KLHL7: variants seen among roughly 807,000 people sequenced by gnomAD.
KLHL7 encodes kelch-like protein 7.
Under a neutral mutation model 67.4 loss-of-function variants are expected in KLHL7, and 44 were observed. The ratio of observed to expected loss-of-function variants is 0.65; its 90% CI spans 0.51 to 0.84. KLHL7 has a LOEUF of 0.84. KLHL7 is among the 40% of genes least tolerant of loss of function. KLHL7 has a pLI of 0.00. For synonymous variants in KLHL7, 252 were observed against 243.3 expected (o/e 1.04, Z -0.33); for missense variants, 362 against 718.1 (o/e 0.50, Z 5.67).
chr7:23,155,902 C>G (rs914459625), intron 7 of KLHL7: 7 of 343,524 alleles, frequency 2.0e-5, no homozygotes, highest in African/African-American at 1.6e-4. Flanking sequence ...AGCATTGTTC[C>G]TAGAATAAGG....
intron 6 of KLHL7, among the ~76,000 whole-genome samples, chr7:23,149,392 G>A (rs1016225006): frequency 6.6e-6 from 1 of 152,118 alleles, no homozygotes; most frequent in African/African-American, 2.4e-5. Context: ...TTACCACATG[G>A]CCTGTTGGTG....
chr7:23,118,319 C>T (rs1423282726), intron 1 of KLHL7, among the ~76,000 whole-genome samples: 2 of 152,198 alleles, frequency 1.3e-5, no homozygotes, highest in African/African-American at 4.8e-5. Context: ...ATTTGAGGAC[C>T]CGTCACTACT....
In KLHL7 at chr7:23,177,531, A is replaced by G. The variant is rs1000055619; in HGVS notation, c.*3233A>G. 1 of 152,154 alleles carries G rather than the reference A, an allele frequency of 6.6e-6. No homozygotes were observed. The highest frequency in any genetic ancestry group is 1.5e-5 in the Non-Finnish European group (1 of 68,038). 9.4% of individuals were successfully genotyped at this position (152,154 alleles called of 1,614,324 possible). A position where few individuals can be genotyped will look rare whatever the true frequency, so the allele number is the denominator to read the frequency against. ...TTTCTACAGAATTGTCAATATCAGG[A>G]TAGTGCGTAAAAGTACACTCACCAT... On this transcript the variant is annotated 3_prime_UTR_variant, in exon 11 of 11. Coordinates refer to ENST00000339077, the MANE Select transcript of KLHL7 (RefSeq NM_001031710.3).
chr7:23,106,388 T>C, intron 1 of KLHL7: 4 of 1,350,946 alleles, frequency 3.0e-6, no homozygotes, highest in Non-Finnish European at 3.8e-6. Context: ...CCTGGGGGAC[T>C]CCTCAGGCTG....
rs117717407 is a variant in KLHL7 at position 23,157,876 on chromosome 7, A to G, written c.936+5667A>G. ...TTAACAGATCACTCTAAAAAGGGTC[A>G]GGGAGAGTGGAAACAGAGCTGCACA... is the stretch of plus-strand genomic sequence containing the variant. On this transcript the variant is annotated intron_variant, in intron 7 of 10. Coordinates refer to ENST00000339077, the MANE Select transcript of KLHL7 (RefSeq NM_001031710.3). Among the ~76,000 whole-genome samples, 1,461 of 152,354 alleles carry G rather than the reference A, an allele frequency of 9.6e-3. 14 individuals are homozygous for G. Among genetic ancestry groups the G allele is most frequent in the Middle Eastern group, 0.017 (5 of 294 alleles).
chr7:23,126,492 A>G (rs1562561190), intron 4 of KLHL7, among the ~76,000 whole-genome samples: 1 of 152,212 alleles, frequency 6.6e-6, no homozygotes, highest in African/African-American at 2.4e-5. Flanking sequence ...AAGTATAAAG[A>G]GGGGTCAAAG....
In KLHL7 at chr7:23,174,721, T is replaced by A. The variant is rs1249643679; in HGVS notation, c.*423T>A. 4.4e-6 allele frequency: 2 copies of A among 455,356 alleles called. No individual in the cohort carries two copies. Among genetic ancestry groups the A allele is most frequent in the Middle Eastern group, 6.9e-4 (1 of 1,446 alleles). The allele number at this position is 455,356 out of a possible 1,614,324, so 28.2% of individuals were successfully genotyped here. On this transcript the variant is annotated 3_prime_UTR_variant, in exon 11 of 11. Transcript: ENST00000339077. ...TCAAGAACTAAGAAATAGTATGAAT[T>A]GTAAGTCAAGATGGGCAACTCAGAT...
intron 1 of KLHL7, among the ~76,000 whole-genome samples, chr7:23,121,955 T>C (rs1783368228): frequency 1.3e-5 from 2 of 152,156 alleles, no homozygotes; most frequent in Admixed American, 6.5e-5. Flanking sequence ...GTGCTGGGAT[T>C]ACAGGCATGA....
rs373582090 is a variant in KLHL7 at position 23,140,629 on chromosome 7, G to A, written c.443-140G>A. 3.9e-6 allele frequency: 3 copies of A among 760,318 alleles called. No individual in the cohort carries two copies. In the African/African-American group the frequency reaches 5.2e-5, roughly 13 times the overall value. The allele number at this position is 760,318 out of a possible 1,614,324, so 47.1% of individuals were successfully genotyped here. A position where few individuals can be genotyped will look rare whatever the true frequency, so the allele number is the denominator to read the frequency against. On this transcript the variant is annotated intron_variant, in intron 4 of 10. Coordinates refer to ENST00000339077, the MANE Select transcript of KLHL7 (RefSeq NM_001031710.3). ...ACAGTATAGTATTGGCACAAGAATA[G>A]ACAAATCAATGAAACAGAAACGGAT...
In KLHL7 at chr7:23,174,097, A is replaced by G; in HGVS notation, c.1560A>G (p.Thr520=). ...MVSPMPWKGV[T]VKCAAVGSIV... ...CACCAATGCCATGGAAGGGTGTAAC[A>G]GTGAAATGTGCAGCAGTTGGCTCTA... The change falls in exon 11 of 11, where the codon ACA becomes ACG. Residue 520 remains threonine (T), a synonymous_variant. Coordinates refer to ENST00000339077, the MANE Select transcript of KLHL7 (RefSeq NM_001031710.3). The G allele has an allele frequency of 1.2e-6, 2 of 1,614,204 alleles. No homozygotes were observed.
intron 6 of KLHL7, among the ~76,000 whole-genome samples, chr7:23,149,556 T>C (rs1464682958): frequency 6.6e-6 from 1 of 152,232 alleles, no homozygotes; most frequent in Non-Finnish European, 1.5e-5. Context: ...ATTCAGAAGG[T>C]CTGGGTTAGT....
intron 4 of KLHL7, among the ~76,000 whole-genome samples, chr7:23,139,088 T>A (rs1281058466): frequency 1.8e-4 from 23 of 129,816 alleles, no homozygotes; most frequent in East Asian, 2.2e-4. Flanking sequence ...TTATTAATGC[T>A]AAAAAAAAAA....
At position 23,151,154 on chromosome 7, in the gene KLHL7, TTTG is replaced by T. The variant is rs1459772841; in HGVS notation, c.794-910_794-908del. Among the ~76,000 whole-genome samples the T allele has an allele frequency of 4.4e-5, 4 of 90,876 alleles. 1 individual carries two copies. Among genetic ancestry groups the T allele is most frequent in the South Asian group, 2.7e-4 (1 of 3,698 alleles). 59.6% of individuals were successfully genotyped at this position (90,876 alleles called of 152,430 possible). A position where few individuals can be genotyped will look rare whatever the true frequency, so the allele number is the denominator to read the frequency against. ...TTAGGCTTCTCCATTCTGGGCCTGT[TTTG>T]TTTTTTTTTTTTTCTTTTCTTTTTT... On this transcript the variant is annotated intron_variant, in intron 6 of 10. Coordinates refer to ENST00000339077, the MANE Select transcript of KLHL7 (RefSeq NM_001031710.3).
intron 7 of KLHL7, among the ~76,000 whole-genome samples, chr7:23,162,581 G>C (rs1455240571): frequency 1.3e-5 from 2 of 152,136 alleles, no homozygotes; most frequent in African/African-American, 4.8e-5. Flanking sequence ...TACAGAGCCT[G>C]GCTTCATACC....
At chr7:23,159,332 T>G (rs963530627) in intron 7 of KLHL7, among the ~76,000 whole-genome samples, 1 of 151,978 alleles carries the variant, frequency 6.6e-6, no homozygotes, top group Non-Finnish European at 1.5e-5. Context: ...CATGGCCATT[T>G]AAAAAAAATT....
chr7:23,124,143 A>T (rs1356349566), intron 2 of KLHL7, among the ~76,000 whole-genome samples: 1 of 124,340 alleles, frequency 8.0e-6, no homozygotes, highest in Non-Finnish European at 1.6e-5. Flanking sequence ...GTGAGCCGAG[A>T]TTGCACCACT....
intron 9 of KLHL7, among the ~76,000 whole-genome samples, chr7:23,168,998 T>G (rs922148200): frequency 6.6e-6 from 1 of 152,194 alleles, no homozygotes; most frequent in Non-Finnish European, 1.5e-5. Context: ...TGGTGGCTCA[T>G]GCCTATAATT....
chr7:23,125,910 G>T, intron 4 of KLHL7: 1 of 1,444,218 alleles, frequency 6.9e-7, no homozygotes. Context: ...CCCAGTGAAT[G>T]CCTGAAACTG....
chr7:23,125,910 G>A, intron 4 of KLHL7: 1 of 1,444,218 alleles, frequency 6.9e-7, no homozygotes, highest in East Asian at 2.5e-5. Context: ...CCCAGTGAAT[G>A]CCTGAAACTG....
Sources: allele counts gnomAD v4.1 joint callset (sites outside exome capture counted in the v4.1 genomes callset), GRCh38; gene constraint gnomAD v4.1.1; transcripts MANE v1.5; gene names NCBI Gene and HGNC (gene_info 2026-07-23, HGNC 2026-07-21).